SDK1: variants seen among roughly 807,000 people sequenced by gnomAD.
SDK1 encodes the protein sidekick cell adhesion molecule 1, also known as protein sidekick-1.
Under a neutral mutation model 245.5 loss-of-function variants are expected in SDK1, and 157 were observed. The observed-to-expected ratio is 0.64, with a 90% confidence interval of 0.56 to 0.73. The LOEUF (loss-of-function observed/expected upper bound fraction) is 0.73. Among genes scored for constraint, SDK1 ranks in the 30% least tolerant of loss-of-function variants. The pLI is 0.00. For synonymous variants in SDK1, 1,647 were observed against 1,278.5 expected, an observed-to-expected ratio of 1.29 and a Z score of -6.15; for missense variants, 3,583 against 3,002.3, an observed-to-expected ratio of 1.19 and a Z score of -4.52.
chr7:3,569,195 C>G (rs1008440853), intron 1 of SDK1, among the ~76,000 whole-genome samples: 1 of 152,028 alleles, frequency 6.6e-6, no homozygotes, highest in African/African-American at 2.4e-5. Flanking sequence ...AAAACAAATA[C>G]TATATCCAGT....
rs558661531 is a variant in SDK1 at position 3,826,715 on chromosome 7, G to A, written c.847+5132G>A. On this transcript the variant is annotated intron_variant, in intron 5 of 44. Transcript: ENST00000404826. Reference sequence around the variant, plus strand: ...ATGAGAATTTTCAGACCCTTCCTTGGGATAGCTTGCGTACAGAGTGTCACC... The same window carrying A: ...ATGAGAATTTTCAGACCCTTCCTTGAGATAGCTTGCGTACAGAGTGTCACC... Among the ~76,000 whole-genome samples the A allele has an allele frequency of 5.9e-5, 9 of 152,210 alleles. No individual in the cohort carries two copies. In the South Asian group the frequency reaches 1.9e-3, roughly 32 times the overall value.
chr7:4,232,384 CT>C (rs1425066111), intron 40 of SDK1, among the ~76,000 whole-genome samples: 15 of 92,908 alleles, frequency 1.6e-4, no homozygotes, highest in South Asian at 3.6e-4. Context: ...TTCCTTTTTT[CT>C]TTTTTTCTTT....
intron 43 of SDK1, among the ~76,000 whole-genome samples, 174 bp from the exon 44 acceptor site, chr7:4,245,502 G>A (rs1190316384): frequency 6.6e-6 from 1 of 152,206 alleles, no homozygotes; most frequent in Non-Finnish European, 1.5e-5. Flanking sequence ...AGAGGCTGTT[G>A]ACTCACCAGG....
chr7:4,054,436 T>C (rs1205860207), intron 19 of SDK1, among the ~76,000 whole-genome samples: 2 of 152,234 alleles, frequency 1.3e-5, no homozygotes, highest in Non-Finnish European at 2.9e-5. Flanking sequence ...TTTTGTTTTT[T>C]TCTCTTTTGT....
chr7:3,894,605 TACA>T (rs1287705267), intron 5 of SDK1, among the ~76,000 whole-genome samples: 4 of 151,936 alleles, frequency 2.6e-5, no homozygotes, highest in African/African-American at 9.7e-5. Context: ...CCTGGAGAGC[TACA>T]ACATCAGGGC....
intron 1 of SDK1, among the ~76,000 whole-genome samples, chr7:3,415,314 A>C (rs543685020): frequency 6.6e-6 from 1 of 152,342 alleles, no homozygotes; most frequent in African/African-American, 2.4e-5. Flanking sequence ...CAGGAGAAGT[A>C]AACAAAACGT....
intron 4 of SDK1, among the ~76,000 whole-genome samples, chr7:3,707,933 G>C (rs1186714953): frequency 6.6e-6 from 1 of 152,020 alleles, no homozygotes; most frequent in Admixed American, 6.5e-5. Context: ...CTTACCTTGA[G>C]TTTTTATGAA....
intron 5 of SDK1, among the ~76,000 whole-genome samples, chr7:3,867,765 G>C (rs1305462032): frequency 6.6e-6 from 1 of 152,134 alleles, no homozygotes; most frequent in Non-Finnish European, 1.5e-5. Flanking sequence ...TTGATATCTG[G>C]CTTATTTTCT....
intron 9 of SDK1, 94 bp downstream of exon 9, chr7:3,962,945 C>G (rs1781817090): frequency 4.0e-6 from 2 of 500,094 alleles, no homozygotes; most frequent in East Asian, 7.1e-5. Flanking sequence ...GTGGGTACAC[C>G]CAGGCTCACA....
At chr7:3,534,548 C>T (rs1562545822) in intron 1 of SDK1, among the ~76,000 whole-genome samples, 2 of 151,202 alleles carry the variant, frequency 1.3e-5, no homozygotes, top group African/African-American at 2.4e-5. Context: ...CAGCACTTGT[C>T]TTTTTTTTTG....
At chr7:3,492,520 A>G (rs749197904) in intron 1 of SDK1, among the ~76,000 whole-genome samples, 2 of 152,212 alleles carry the variant, frequency 1.3e-5, no homozygotes, top group Non-Finnish European at 2.9e-5. Context: ...AAAAACAACA[A>G]AAAAACCTGA....
At chr7:3,575,627 T>A (rs1356143023) in intron 1 of SDK1, among the ~76,000 whole-genome samples, 1 of 152,000 alleles carries the variant, frequency 6.6e-6, no homozygotes, top group African/African-American at 2.4e-5. Flanking sequence ...CAATGAAATT[T>A]CATTAAGAAC....
chr7:3,421,987 A>G (rs1231450782), intron 1 of SDK1, among the ~76,000 whole-genome samples: 1 of 152,148 alleles, frequency 6.6e-6, no homozygotes, highest in Non-Finnish European at 1.5e-5. Context: ...TGGAAATGTA[A>G]AGCATAGTTG....
At chr7:3,827,993 G>C (rs1006835255) in intron 5 of SDK1, among the ~76,000 whole-genome samples, 1 of 152,154 alleles carries the variant, frequency 6.6e-6, no homozygotes, top group African/African-American at 2.4e-5. Flanking sequence ...ATTACTATAT[G>C]ACAACAGGGC....
In SDK1 at chr7:4,266,534, G is replaced by C. The variant is rs1030447678; in HGVS notation, c.*1150G>C. 5.1e-6 allele frequency: 5 copies of C among 984,902 alleles called. No individual in the cohort carries two copies. Among genetic ancestry groups the C allele is most frequent in the Non-Finnish European group, 6.0e-6 (5 of 829,898 alleles). The allele number at this position is 984,902 out of a possible 1,614,324, so 61.0% of individuals were successfully genotyped here. A position where few individuals can be genotyped will look rare whatever the true frequency, so the allele number is the denominator to read the frequency against. On this transcript the variant is annotated 3_prime_UTR_variant, in exon 45 of 45. Transcript: ENST00000404826. ...GCTGCTGCCCCCTCTCCCAGTCCGA[G>C]GCCAGCTTTTAGCCTTAACAGGTTT... is the stretch of plus-strand genomic sequence containing the variant.
chr7:3,865,085 C>T (rs1049852614), intron 5 of SDK1, among the ~76,000 whole-genome samples: 3 of 152,206 alleles, frequency 2.0e-5, no homozygotes, highest in Non-Finnish European at 4.4e-5. Flanking sequence ...TGCCCTCCAG[C>T]ACGTTTTACT....
intron 17 of SDK1, among the ~76,000 whole-genome samples, chr7:4,048,921 C>T (rs1789230441): frequency 6.6e-6 from 1 of 152,134 alleles, no homozygotes; most frequent in Non-Finnish European, 1.5e-5. Context: ...TGCTTGTTCC[C>T]CACCCCCCGC....
At chr7:3,358,760 C>G (rs1049182717) in intron 1 of SDK1, among the ~76,000 whole-genome samples, 5 of 152,152 alleles carry the variant, frequency 3.3e-5, no homozygotes, top group African/African-American at 1.2e-4. Flanking sequence ...TACGTACTTG[C>G]GCTACAGTAA....
intron 35 of SDK1, among the ~76,000 whole-genome samples, chr7:4,193,321 C>T (rs530979665): frequency 1.6e-5 from 2 of 125,932 alleles, no homozygotes; most frequent in South Asian, 4.7e-4. Flanking sequence ...TATATTTATA[C>T]AATATATAAA....
Sources: allele counts gnomAD v4.1 joint callset (sites outside exome capture counted in the v4.1 genomes callset), GRCh38; gene constraint gnomAD v4.1.1; transcripts MANE v1.5; gene names NCBI Gene and HGNC (gene_info 2026-07-23, HGNC 2026-07-21).